Variants in SLC25A12 observed in about 807,000 individuals in gnomAD.
SLC25A12 encodes the protein solute carrier family 25 member 12, also known as electrogenic aspartate/glutamate antiporter SLC25A12, mitochondrial.
Under a neutral mutation model 83.3 loss-of-function variants are expected in SLC25A12, and 32 were observed. The ratio of observed to expected loss-of-function variants is 0.38; its 90% confidence interval spans 0.29 to 0.52. The LOEUF (loss-of-function observed/expected upper bound fraction) is 0.52, where lower values mean the gene tolerates loss of function less well. Ranked by LOEUF, SLC25A12 falls within the 20% of genes least tolerant of loss-of-function variation. The pLI, the probability that SLC25A12 is intolerant of heterozygous loss-of-function variation, is 0.84. For synonymous variants in SLC25A12, 267 were observed against 291.1 expected (o/e 0.92, Z 0.84); for missense variants, 611 against 835.6 (o/e 0.73, Z 3.31).
intron 13 of SLC25A12, among the ~76,000 whole-genome samples, chr2:171,794,709 CATGAA>C (rs1024901305): frequency 7.9e-5 from 12 of 152,124 alleles, no homozygotes; most frequent in Admixed American, 7.8e-4. Flanking sequence ...TATCTCCTTT[CATGAA>C]ATGAAAAATC....
intron 9 of SLC25A12, among the ~76,000 whole-genome samples, chr2:171,816,954 G>A (rs1326664707): frequency 6.6e-6 from 1 of 152,162 alleles, no homozygotes; most frequent in African/African-American, 2.4e-5. Flanking sequence ...GCAACTTTGG[G>A]TGGTAATTAG....
chr2:171,825,862 T>C (rs1013569986), intron 9 of SLC25A12, among the ~76,000 whole-genome samples: 4 of 152,244 alleles, frequency 2.6e-5, no homozygotes, highest in African/African-American at 9.6e-5. Flanking sequence ...TTCAAGGTAA[T>C]TTCATGGATT....
intron 7 of SLC25A12, chr2:171,834,292 G>T: frequency 2.0e-6 from 1 of 494,330 alleles, no homozygotes; most frequent in Non-Finnish European, 3.6e-6. Flanking sequence ...TTAACTTCAA[G>T]AATAAAACAA....
chr2:171,848,227 A>G (rs754670855), intron 4 of SLC25A12: 1 of 471,048 alleles, frequency 2.1e-6, no homozygotes, highest in South Asian at 1.5e-5. Flanking sequence ...TGTTCCATGA[A>G]TGAGCCTGGA....
chr2:171,785,627 A>T, intron 17 of SLC25A12, 152 bp from the exon 18 acceptor site: 3 of 712,082 alleles, frequency 4.2e-6, no homozygotes, highest in Non-Finnish European at 7.5e-6. Flanking sequence ...TAGAAACCAC[A>T]GTCATGATTT....
chr2:171,819,202 A>ATATATAATATATAATACATATTATATATG (rs1684121546), intron 9 of SLC25A12, among the ~76,000 whole-genome samples: 2 of 133,488 alleles, frequency 1.5e-5, no homozygotes, highest in African/African-American at 2.8e-5. Context: ...TTATATATTA[A>ATATATAATATATAATACATATTATATATG]TATATAATAT....
intron 4 of SLC25A12, chr2:171,845,880 A>C (rs1017209938): frequency 2.2e-6 from 1 of 452,080 alleles, no homozygotes; most frequent in Non-Finnish European, 4.4e-6. Flanking sequence ...CAAATACTTC[A>C]AAGTTTTCAA....
Position 171,785,464 on chromosome 2 carries a change from C to A in SLC25A12, c.1847G>T (p.Gly616Val), listed in dbSNP as rs1171805086. The change falls in exon 18 of 18, where the codon GGT becomes GTT. Residue 616 changes from glycine (G) to valine (V), a missense_variant. By Grantham distance (109) the Gly-to-Val change is moderately radical. Coordinates refer to ENST00000422440, the MANE Select transcript of SLC25A12 (RefSeq NM_003705.5). ...YIDFGGLKPA[G>V]SEPTPKSRIA... is the part of the protein sequence containing the mutation. ...GCGTGACTTAGGTGTTGGTTCTGAA[C>A]CAGCGGGTTTGCTGTTGACAGAAAA... 1 of 1,614,110 alleles carries A rather than the reference C, an allele frequency of 6.2e-7. No homozygotes were observed. Among genetic ancestry groups the A allele is most frequent in the Non-Finnish European group, 8.5e-7 (1 of 1,180,026 alleles).
chr2:171,851,204 T>G (rs184771600), intron 4 of SLC25A12, among the ~76,000 whole-genome samples: 1 of 152,076 alleles, frequency 6.6e-6, no homozygotes, highest in Admixed American at 6.5e-5. Flanking sequence ...TGTTTGTTTT[T>G]TTTTTTGGAG....
Position 171,784,817 on chromosome 2 carries a change from T to A in SLC25A12, c.*457A>T, listed in dbSNP as rs757812385. On this transcript the variant is annotated 3_prime_UTR_variant, in exon 18 of 18. Coordinates refer to ENST00000422440, the MANE Select transcript of SLC25A12 (RefSeq NM_003705.5). ...ATGCTTTATTTCCATAAGTCACCAA[T>A]AAGAGAATGAATTTAATTTTAATAC... 1 of 188,816 alleles carries A rather than the reference T, an allele frequency of 5.3e-6. No individual in the cohort carries two copies. The allele number at this position is 188,816 out of a possible 1,614,324, so 11.7% of individuals were successfully genotyped here.
Position 171,813,532 on chromosome 2 carries a change from A to G in SLC25A12, c.1013-35T>C, listed in dbSNP as rs750579155. 2.5e-6 allele frequency: 4 copies of G among 1,610,100 alleles called. No individual in the cohort carries two copies. In the Admixed American group the frequency reaches 6.7e-5, roughly 27 times the overall value. On this transcript the variant is annotated intron_variant, in intron 10 of 17. Transcript: ENST00000422440. Reference sequence around the variant, plus strand: ...GAACAATTTTTAGGCTTAAAAAAGAACACAATTAAATGGAGAGTCCATAAG... The same window carrying G: ...GAACAATTTTTAGGCTTAAAAAAGAGCACAATTAAATGGAGAGTCCATAAG...
intron 2 of SLC25A12, among the ~76,000 whole-genome samples, chr2:171,879,318 GCT>G (rs1464336235): frequency 6.6e-6 from 1 of 152,148 alleles, no homozygotes; most frequent in Non-Finnish European, 1.5e-5. Context: ...ATTATTCAGT[GCT>G]CTGTCTTCCT....
chr2:171,831,717 C>A (rs1684435250), intron 8 of SLC25A12, among the ~76,000 whole-genome samples: 1 of 151,898 alleles, frequency 6.6e-6, no homozygotes, highest in Non-Finnish European at 1.5e-5. Flanking sequence ...ACCAGCCTGG[C>A]CAACATGGCT....
chr2:171,881,255 C>T (rs954564755), intron 2 of SLC25A12, among the ~76,000 whole-genome samples: 1 of 152,092 alleles, frequency 6.6e-6, no homozygotes, highest in African/African-American at 2.4e-5. Flanking sequence ...CAGGTTCAAG[C>T]GATTCTCCCA....
At position 171,886,325 on chromosome 2, in the gene SLC25A12, C is replaced by T. The variant is rs922006621; in HGVS notation, c.66+6880G>A. Among the ~76,000 whole-genome samples the T allele has an allele frequency of 3.4e-5, 5 of 147,808 alleles. No homozygotes were observed. The East Asian group carries it at 1.0e-3, about 30-fold the overall frequency. ...CTCACTGCAGCCTCAACCTCCTAGG[C>T]TTAGGTGATCCTCCCACCTCAGCCT... is the stretch of plus-strand genomic sequence containing the variant. On this transcript the variant is annotated intron_variant, in intron 2 of 17. Coordinates refer to ENST00000422440, the MANE Select transcript of SLC25A12 (RefSeq NM_003705.5).
intron 13 of SLC25A12, among the ~76,000 whole-genome samples, chr2:171,806,957 A>G (rs1683846615): frequency 6.6e-6 from 1 of 152,204 alleles, no homozygotes. Flanking sequence ...ATCATTTAGG[A>G]AATGGAGTAT....
chr2:171,888,930 T>A (rs958782112), intron 2 of SLC25A12, among the ~76,000 whole-genome samples: 1 of 152,208 alleles, frequency 6.6e-6, no homozygotes, highest in South Asian at 2.1e-4. Context: ...AGTCTTTAAG[T>A]AGCTCAGATA....
Position 171,784,269 on chromosome 2 carries a change from GAAGA to G in SLC25A12, c.*1001_*1004del, listed in dbSNP as rs1690447563. On this transcript the variant is annotated 3_prime_UTR_variant, in exon 18 of 18. Coordinates refer to ENST00000422440, the MANE Select transcript of SLC25A12 (RefSeq NM_003705.5). ...AATTTTTCTGTTTTCTATAAAGGTG[GAAGA>G]AAGGGCGAACCCGATCATGAGTTAT... The G allele has an allele frequency of 6.6e-6, 1 of 152,166 alleles. No homozygotes were observed. Among genetic ancestry groups the G allele is most frequent in the African/African-American group, 2.4e-5 (1 of 41,434 alleles). The allele number at this position is 152,166 out of a possible 1,614,324, so 9.4% of individuals were successfully genotyped here.
Position 171,787,849 on chromosome 2 carries a change from C to G in SLC25A12, c.1684G>C (p.Asp562His). ...AGQTTYSGVI[D>H]CFRKILREEG... ...TCCCGGAGAATCTTCCTGAAACAGT[C>G]GATGACACCACTGTATGTCGTCTGG... The change falls in exon 16 of 18, where the codon GAC becomes CAC. Residue 562 changes from aspartate (D) to histidine (H), a missense_variant. This residue lies in a region of SLC25A12 where 540 missense variants were observed against 777.5 expected (regional missense o/e 0.69). Coordinates refer to ENST00000422440, the MANE Select transcript of SLC25A12 (RefSeq NM_003705.5). 6.2e-7 allele frequency: 1 copy of G among 1,614,178 alleles called. No individual in the cohort carries two copies. Among genetic ancestry groups the G allele is most frequent in the Non-Finnish European group, 8.5e-7 (1 of 1,180,014 alleles).
Sources: gnomAD v4.1 joint callset for allele counts (sites outside exome capture counted in the v4.1 genomes callset) on GRCh38, gnomAD v4.1.1 for gene constraint, gnomAD v4.1.1 regional missense constraint, MANE v1.5 for transcripts, NCBI Gene and HGNC (gene_info 2026-07-23, HGNC 2026-07-21) for gene names.